Variants in GLIS3 observed in about 807,000 individuals in gnomAD.
GLIS3 encodes the protein GLIS family zinc finger 3, also known as zinc finger protein GLIS3.
A neutral mutation model predicts 78.6 loss-of-function variants in GLIS3; 53 were observed. That is an observed-to-expected ratio of 0.67 (90% confidence interval 0.54 to 0.85). GLIS3 has a LOEUF of 0.85. Among genes scored for constraint, GLIS3 ranks in the 40% least tolerant of loss-of-function variants. The pLI is 0.00. For missense variants in GLIS3, 1,703 were observed against 1,231.1 expected, an observed-to-expected ratio of 1.38 and a Z score of -5.74; for synonymous variants, 684 against 509.9, an observed-to-expected ratio of 1.34 and a Z score of -4.60.
chr9:3,852,110 A>T (rs1819471473), intron 9 of GLIS3, among the ~76,000 whole-genome samples: 1 of 151,558 alleles, frequency 6.6e-6, no homozygotes, highest in Non-Finnish European at 1.5e-5. Flanking sequence ...GTGTCACGGT[A>T]CTCCCGCCTG....
intron 4 of GLIS3, among the ~76,000 whole-genome samples, chr9:3,969,544 G>T (rs551855209): frequency 6.6e-6 from 1 of 152,316 alleles, no homozygotes; most frequent in African/African-American, 2.4e-5. Context: ...TGAAAGCAGA[G>T]ATCTCAGGAA....
intron 2 of GLIS3, among the ~76,000 whole-genome samples, chr9:4,277,802 G>C (rs1482999824): frequency 6.6e-6 from 1 of 152,162 alleles, no homozygotes; most frequent in Non-Finnish European, 1.5e-5. Flanking sequence ...GGATCATAAA[G>C]CTGATTTCCC....
At chr9:4,319,941 C>T (rs993514787) in intron 2 of GLIS3, among the ~76,000 whole-genome samples, 3 of 151,532 alleles carry the variant, frequency 2.0e-5, no homozygotes, top group African/African-American at 7.3e-5. Flanking sequence ...TTGTTTTGTT[C>T]GGCCTATAGA....
intron 4 of GLIS3, among the ~76,000 whole-genome samples, chr9:3,945,720 C>G (rs1200130437): frequency 6.6e-6 from 1 of 152,126 alleles, no homozygotes; most frequent in East Asian, 1.9e-4. Context: ...ACTTTAGTTT[C>G]TCCAAATGAT....
At chr9:4,105,561 C>A (rs1830685775) in intron 4 of GLIS3, among the ~76,000 whole-genome samples, 1 of 152,136 alleles carries the variant, frequency 6.6e-6, no homozygotes, top group South Asian at 2.1e-4. Context: ...TGCAAATGGT[C>A]AATATGTACT....
the GLIS3 span, among the ~76,000 whole-genome samples, chr9:4,446,812 C>G: frequency 1.3e-5 from 2 of 151,812 alleles, no homozygotes; most frequent in Admixed American, 1.3e-4. Flanking sequence ...CGCCTGGTCC[C>G]AAATTCTTTC....
chr9:4,003,508 G>C (rs1477268270), intron 4 of GLIS3, among the ~76,000 whole-genome samples: 1 of 152,180 alleles, frequency 6.6e-6, no homozygotes, highest in African/African-American at 2.4e-5. Context: ...CAATCTTATA[G>C]AATTGCATGC....
chr9:4,419,047 TTAAAATCCAA>T, the GLIS3 span, among the ~76,000 whole-genome samples: 8 of 152,320 alleles, frequency 5.3e-5, no homozygotes, highest in African/African-American at 1.7e-4. Flanking sequence ...AGCAATTAGA[TTAAAATCCAA>T]TAAATTACAA....
intron 2 of GLIS3, among the ~76,000 whole-genome samples, chr9:4,267,503 C>T (rs1435593774): frequency 1.3e-5 from 2 of 152,130 alleles, no homozygotes; most frequent in African/African-American, 4.8e-5. Flanking sequence ...CCCCACAGTA[C>T]CCAAATATCT....
At chr9:3,871,873 C>CTT (rs2130393118) in intron 8 of GLIS3, among the ~76,000 whole-genome samples, 1 of 152,344 alleles carries the variant, frequency 6.6e-6, no homozygotes, top group South Asian at 2.1e-4. Context: ...TTGAATTTCT[C>CTT]CCCAGAAAAT....
intron 2 of GLIS3, among the ~76,000 whole-genome samples, chr9:4,255,564 A>C (rs1407785325): frequency 6.6e-6 from 1 of 152,240 alleles, no homozygotes; most frequent in East Asian, 1.9e-4. Flanking sequence ...CCATGACAAG[A>C]TATGTAGAAA....
chr9:3,853,791 C>G (rs1193724050), intron 9 of GLIS3, among the ~76,000 whole-genome samples: 5 of 152,164 alleles, frequency 3.3e-5, no homozygotes, highest in Non-Finnish European at 5.9e-5. Context: ...ATAAAACCGT[C>G]AATATTTTGG....
chr9:4,478,430 G>C, the GLIS3 span, among the ~76,000 whole-genome samples: 2 of 152,176 alleles, frequency 1.3e-5, no homozygotes, highest in African/African-American at 4.8e-5. Context: ...GGCCAACATG[G>C]TGAAACCCCC....
At chr9:3,914,180 T>G (rs1824341403) in intron 6 of GLIS3, among the ~76,000 whole-genome samples, 1 of 152,106 alleles carries the variant, frequency 6.6e-6, no homozygotes, top group Non-Finnish European at 1.5e-5. Context: ...TGTGTTTGCT[T>G]TGTCACCCAG....
At chr9:4,467,987 C>T in the GLIS3 span, among the ~76,000 whole-genome samples, 3 of 152,032 alleles carry the variant, frequency 2.0e-5, no homozygotes, top group East Asian at 1.9e-4. Flanking sequence ...AACTACGTGA[C>T]ACAGGCACAA....
intron 4 of GLIS3, 141 bp downstream of exon 4, chr9:4,117,627 C>T: frequency 1.1e-6 from 1 of 919,990 alleles, no homozygotes; most frequent in Admixed American, 1.8e-5. Flanking sequence ...TCCCCTTCCT[C>T]AAGCTGAAGG....
the GLIS3 span, among the ~76,000 whole-genome samples, chr9:4,453,099 G>A: frequency 1.3e-5 from 2 of 152,046 alleles, no homozygotes; most frequent in East Asian, 1.9e-4. Flanking sequence ...TAGGAAAACT[G>A]ACTAGCCATA....
intron 7 of GLIS3, among the ~76,000 whole-genome samples, chr9:3,897,404 A>C (rs1822928045): frequency 2.0e-5 from 3 of 152,166 alleles, no homozygotes. Context: ...CAAATCAGAC[A>C]CACAAAAACA....
intron 4 of GLIS3, among the ~76,000 whole-genome samples, chr9:3,973,839 C>T (rs549409175): frequency 1.3e-5 from 2 of 152,114 alleles, no homozygotes; most frequent in African/African-American, 4.8e-5. Context: ...AGAAGGGAAA[C>T]CATTAAAATT....
Sources: gnomAD v4.1 joint callset for allele counts (sites outside exome capture counted in the v4.1 genomes callset) on GRCh38, gnomAD v4.1.1 for gene constraint, MANE v1.5 for transcripts, NCBI Gene and HGNC (gene_info 2026-07-23, HGNC 2026-07-21) for gene names.